The following LONP2 variants were observed in gnomAD, a reference collection of about 807,000 sequenced individuals.
LONP2 encodes the protein lon protease homolog 2, peroxisomal.
Under a neutral mutation model 85.6 loss-of-function variants are expected in LONP2, and 60 were observed. The ratio of observed to expected loss-of-function variants is 0.70; its 90% CI spans 0.57 to 0.87. The LOEUF (loss-of-function observed/expected upper bound fraction) is 0.87. Among genes scored for constraint, LONP2 ranks in the 40% least tolerant of loss-of-function variants. The pLI, the probability that LONP2 is intolerant of heterozygous loss-of-function variation, is 0.00. For missense variants in LONP2, 860 were observed against 1,063.5 expected (o/e 0.81, Z 2.66); for synonymous variants, 395 against 389.7 (o/e 1.01, Z -0.16).
intron 8 of LONP2, among the ~76,000 whole-genome samples, chr16:48,285,630 T>C (rs1255111267): frequency 6.6e-6 from 1 of 152,170 alleles, no homozygotes; most frequent in East Asian, 1.9e-4. Flanking sequence ...TCAGCCCCTC[T>C]AGTGAATTTT....
downstream of LONP2, among the ~76,000 whole-genome samples, chr16:48,360,014 G>A (rs1048931321): frequency 2.0e-5 from 3 of 152,208 alleles, no homozygotes; most frequent in African/African-American, 7.2e-5. Context: ...AAGGCATAAT[G>A]GTAGCTAACA....
rs1960292206 is a variant in LONP2 at position 48,355,116 on chromosome 16, ATC to A, written c.*3320_*3321del. 6.6e-6 allele frequency: 1 copy of A among 150,566 alleles called. No individual in the cohort carries two copies. Among genetic ancestry groups the A allele is most frequent in the African/African-American group, 2.4e-5 (1 of 40,998 alleles). The allele number at this position is 150,566 out of a possible 1,614,324, so 9.3% of individuals were successfully genotyped here. A position where few individuals can be genotyped will look rare whatever the true frequency, so the allele number is the denominator to read the frequency against. ...TAATGCTATGAACATGGGTGTACAC[ATC>A]TCTCTTGAAGTCCCTTCTTAGGTCC... On this transcript the variant is annotated 3_prime_UTR_variant, in exon 15 of 15. Coordinates refer to ENST00000285737, the MANE Select transcript of LONP2 (RefSeq NM_031490.5).
At chr16:48,361,488 C>G (rs199692845), downstream of LONP2, 1 of 1,327,020 alleles carries the variant, frequency 7.5e-7, no homozygotes, top group Non-Finnish European at 1.1e-6. Flanking sequence ...TTCCACCTAC[C>G]GAAAGAGTTT....
At chr16:48,277,236 T>C in intron 7 of LONP2, 102 bp from the exon 8 acceptor site, 1 of 1,115,698 alleles carries the variant, frequency 9.0e-7, no homozygotes, top group Non-Finnish European at 1.3e-6. Flanking sequence ...ATTATAGTGA[T>C]AGCTAAATGA....
chr16:48,352,632 T>TA lies in LONP2; in HGVS notation c.*840dup, dbSNP rs878928522. ...CTGGCTGACAGAGCGAGACTGTCTC[T>TA]AAAAAAAAAAGACTCAAGTGGACCC... On this transcript the variant is annotated 3_prime_UTR_variant, in exon 15 of 15. Transcript: ENST00000285737. The TA allele has an allele frequency of 7.1e-4, 105 of 147,304 alleles. No homozygotes were observed. The highest frequency in any genetic ancestry group is 3.5e-3 in the Middle Eastern group (1 of 286). 9.1% of individuals were successfully genotyped at this position (147,304 alleles called of 1,614,324 possible).
intron 1 of LONP2, among the ~76,000 whole-genome samples, chr16:48,249,312 T>A (rs1215291678): frequency 6.6e-6 from 1 of 152,226 alleles, no homozygotes; most frequent in Non-Finnish European, 1.5e-5. Context: ...GTTGCAAAAT[T>A]AAAATGCTGC....
intron 2 of LONP2, among the ~76,000 whole-genome samples, chr16:48,255,218 G>T (rs1289277512): frequency 6.6e-6 from 1 of 152,150 alleles, no homozygotes; most frequent in Non-Finnish European, 1.5e-5. Context: ...TGGGGGTTGT[G>T]TCTGCCTATT....
chr16:48,264,249 C>T (rs144863339), intron 6 of LONP2, among the ~76,000 whole-genome samples: 2,229 of 152,156 alleles, frequency 0.015, 66 homozygotes, highest in African/African-American at 0.052. Context: ...AGCCTGGGAG[C>T]GCTATGGGAG....
chr16:48,350,860 C>A (rs1474752773), intron 14 of LONP2, among the ~76,000 whole-genome samples: 1 of 152,142 alleles, frequency 6.6e-6, no homozygotes, highest in Non-Finnish European at 1.5e-5. Context: ...TGGCAGGAGG[C>A]CCCAGTTCCT....
At chr16:48,280,501 A>G (rs145145588) in intron 8 of LONP2, among the ~76,000 whole-genome samples, 1 of 152,366 alleles carries the variant, frequency 6.6e-6, no homozygotes, top group Admixed American at 6.5e-5. Context: ...TTTGATAACA[A>G]GCAGCTAGCA....
At position 48,353,769 on chromosome 16, in the gene LONP2, C is replaced by T. The variant is rs112144603; in HGVS notation, c.*1967C>T. 7,033 of 152,170 alleles carry T rather than the reference C, an allele frequency of 0.046. 232 individuals are homozygous for T. The highest frequency in any genetic ancestry group is 0.15 in the Middle Eastern group (43 of 294). 9.4% of individuals were successfully genotyped at this position (152,170 alleles called of 1,614,324 possible). A position where few individuals can be genotyped will look rare whatever the true frequency, so the allele number is the denominator to read the frequency against. Reference sequence around the variant, plus strand: ...AGAGGGCGCTAATCCACACCCACATCGCTCTGCCCTGTTCCACCCAGCAGG... The same window carrying T: ...AGAGGGCGCTAATCCACACCCACATTGCTCTGCCCTGTTCCACCCAGCAGG... On this transcript the variant is annotated 3_prime_UTR_variant, in exon 15 of 15. Coordinates refer to ENST00000285737, the MANE Select transcript of LONP2 (RefSeq NM_031490.5).
chr16:48,325,503 T>G (rs1036774655), intron 11 of LONP2, among the ~76,000 whole-genome samples: 2 of 152,240 alleles, frequency 1.3e-5, no homozygotes, highest in Non-Finnish European at 2.9e-5. Flanking sequence ...ATAAGTGAGA[T>G]CATGCAGTAT....
At chr16:48,260,556 G>A (rs1971853665) in intron 4 of LONP2, among the ~76,000 whole-genome samples, 2 of 152,202 alleles carry the variant, frequency 1.3e-5, no homozygotes, top group South Asian at 4.1e-4. Context: ...CAGTGTTCAT[G>A]CCATTGCACT....
At chr16:48,321,845 G>GT (rs1973271523) in intron 11 of LONP2, among the ~76,000 whole-genome samples, 2 of 152,166 alleles carry the variant, frequency 1.3e-5, no homozygotes, top group African/African-American at 4.8e-5. Flanking sequence ...GAGTCAGCAA[G>GT]TGAGTGGGAG....
rs1438083127 is a variant in LONP2, at chr16:48,270,131, G to A, written c.1098G>A (p.Leu366=). 3.1e-6 allele frequency: 5 copies of A among 1,613,934 alleles called. No homozygotes were observed. In the East Asian group the frequency reaches 1.1e-4, roughly 36 times the overall value. Residue 366 remains leucine, a synonymous_variant, in exon 7 of 15, where the codon CTG becomes CTA. Coordinates refer to ENST00000285737, the MANE Select transcript of LONP2 (RefSeq NM_031490.5). ...YLAVRQLKNN[L]KGPILCFVGP... ...CTGTCAGACAGCTCAAAAATAACCT[G>A]AAGGGCCCAATCCTATGCTTTGTTG... is the stretch of plus-strand genomic sequence containing the variant.
intron 2 of LONP2, among the ~76,000 whole-genome samples, chr16:48,253,287 T>C (rs1000953123): frequency 2.0e-5 from 3 of 151,878 alleles, no homozygotes; most frequent in Non-Finnish European, 4.4e-5. Context: ...CTAGGCAGCA[T>C]GGTGAGATCC....
intron 7 of LONP2, among the ~76,000 whole-genome samples, chr16:48,276,936 A>G (rs1169903371): frequency 2.6e-5 from 4 of 152,154 alleles, no homozygotes; most frequent in Non-Finnish European, 5.9e-5. Flanking sequence ...CAGCCATTTC[A>G]GTGTGCATAA....
chr16:48,277,770 A>G (rs1294642498), intron 8 of LONP2, among the ~76,000 whole-genome samples: 1 of 152,004 alleles, frequency 6.6e-6, no homozygotes, highest in Non-Finnish European at 1.5e-5. Context: ...TATGGCAAAA[A>G]AAACAGCAAG....
intron 11 of LONP2, among the ~76,000 whole-genome samples, chr16:48,319,387 A>G (rs1250639922): frequency 2.0e-5 from 3 of 152,124 alleles, no homozygotes; most frequent in Admixed American, 6.6e-5. Context: ...CTCAAAAAAA[A>G]TAAAAAGTAA....
Sources: allele counts gnomAD v4.1 joint callset (sites outside exome capture counted in the v4.1 genomes callset), GRCh38; gene constraint gnomAD v4.1.1; transcripts MANE v1.5; gene names NCBI Gene and HGNC (gene_info 2026-07-23, HGNC 2026-07-21).